Variants in PLA2G4E observed in about 807,000 individuals in gnomAD.
The protein encoded by PLA2G4E is cytosolic phospholipase A2 epsilon.
In PLA2G4E, 84 loss-of-function variants were observed where a neutral mutation model predicts 109.1. That is an observed-to-expected ratio of 0.77 (90% CI 0.65 to 0.92). The LOEUF is 0.92. PLA2G4E is among the 40% of genes least tolerant of loss of function. The pLI is 0.00. For synonymous variants in PLA2G4E, 469 were observed against 436.1 expected (o/e 1.08, Z -0.94); for missense variants, 1,057 against 1,076.6 (o/e 0.98, Z 0.25).
At chr15:42,031,786 C>T (rs1889118768) in intron 1 of PLA2G4E, among the ~76,000 whole-genome samples, 1 of 152,160 alleles carries the variant, frequency 6.6e-6, no homozygotes, top group Non-Finnish European at 1.5e-5. Flanking sequence ...CAAGTTCAGC[C>T]CTGCAGTAAT....
intron 1 of PLA2G4E, among the ~76,000 whole-genome samples, chr15:42,031,415 G>C (rs1273947799): frequency 1.3e-5 from 2 of 152,170 alleles, no homozygotes; most frequent in African/African-American, 2.4e-5. Context: ...TGTTTTTACA[G>C]AGTGATGGCA....
At chr15:42,020,332 G>A (rs1022141401) in intron 1 of PLA2G4E, among the ~76,000 whole-genome samples, 3 of 152,204 alleles carry the variant, frequency 2.0e-5, no homozygotes, top group African/African-American at 7.2e-5. Context: ...AAGCATTGAG[G>A]TCATCTCCCT....
intron 1 of PLA2G4E, 50 bp from the exon 2 acceptor site, chr15:42,013,807 C>T (rs1428177387): frequency 2.7e-6 from 4 of 1,477,300 alleles, no homozygotes; most frequent in Non-Finnish European, 3.7e-6. Context: ...TACTCCAAGG[C>T]CATTGCCCCG....
At chr15:42,023,490 A>C (rs2068666690) in intron 1 of PLA2G4E, among the ~76,000 whole-genome samples, 1 of 152,082 alleles carries the variant, frequency 6.6e-6, no homozygotes, top group South Asian at 2.1e-4. Context: ...GAAACAAGGG[A>C]TCAATTAGGA....
At chr15:42,005,489 C>T (rs995763857) in intron 4 of PLA2G4E, among the ~76,000 whole-genome samples, 4 of 151,820 alleles carry the variant, frequency 2.6e-5, no homozygotes, top group East Asian at 2.0e-4. Flanking sequence ...GTGCCTAGAA[C>T]GGTGCCGGCC....
chr15:41,990,441 C>A (rs1211964434), intron 13 of PLA2G4E, among the ~76,000 whole-genome samples: 1 of 152,174 alleles, frequency 6.6e-6, no homozygotes, highest in East Asian at 1.9e-4. Flanking sequence ...CTGCCCACCA[C>A]CAGACAGGGG....
At chr15:42,018,876 C>T (rs548323357) in intron 1 of PLA2G4E, among the ~76,000 whole-genome samples, 2 of 152,158 alleles carry the variant, frequency 1.3e-5, no homozygotes, top group Non-Finnish European at 2.9e-5. Context: ...GCTGCCCCTT[C>T]CCACTCCTAC....
chr15:42,048,547 CA>C (rs1889454511), intron 1 of PLA2G4E, among the ~76,000 whole-genome samples: 1 of 152,290 alleles, frequency 6.6e-6, no homozygotes, highest in East Asian at 1.9e-4. Context: ...GGAGAAAGAC[CA>C]GGGGGCCATG....
intron 18 of PLA2G4E, among the ~76,000 whole-genome samples, chr15:41,985,092 C>T (rs1003246757): frequency 1.3e-5 from 2 of 152,310 alleles, no homozygotes; most frequent in South Asian, 2.1e-4. Context: ...TTCTGCCCCT[C>T]GTTCCTCTGC....
rs1023215161 is a variant in PLA2G4E, at chr15:41,997,059, G to A, written c.1110+65C>T. The A allele has an allele frequency of 1.5e-4, 217 of 1,462,736 alleles. 2 individuals are homozygous for A. Among genetic ancestry groups the A allele is most frequent in the Non-Finnish European group, 2.5e-5 (27 of 1,098,480 alleles). 90.6% of individuals were successfully genotyped at this position (1,462,736 alleles called of 1,614,324 possible). On this transcript the variant is annotated intron_variant, in intron 11 of 19. Coordinates refer to ENST00000399518, the Ensembl canonical transcript of PLA2G4E. ...CTGGGGTAGGGCAGGGCCTGGGTTG[G>A]CTGGGAGGGCATGGTGCTGGAAGGA...
chr15:42,013,889 T>C, intron 1 of PLA2G4E, 132 bp from the exon 2 acceptor site: 1 of 554,486 alleles, frequency 1.8e-6, no homozygotes, highest in Non-Finnish European at 3.0e-6. Flanking sequence ...CTGGTTTTTT[T>C]TTTTTTTTTT....
chr15:42,045,241 AAAG>A (rs1180398250), intron 1 of PLA2G4E, among the ~76,000 whole-genome samples: 1 of 152,094 alleles, frequency 6.6e-6, no homozygotes, highest in Non-Finnish European at 1.5e-5. Flanking sequence ...AGAACTGGGG[AAAG>A]AAGTAGGAAT....
chr15:42,004,038 C>A (rs1456581308), intron 5 of PLA2G4E, among the ~76,000 whole-genome samples: 1 of 152,094 alleles, frequency 6.6e-6, no homozygotes, highest in Non-Finnish European at 1.5e-5. Context: ...GGGCTGGGCG[C>A]GGTGGCTCAT....
chr15:42,025,618 A>G (rs1219560905), intron 1 of PLA2G4E, among the ~76,000 whole-genome samples: 1 of 152,196 alleles, frequency 6.6e-6, no homozygotes, highest in Non-Finnish European at 1.5e-5. Context: ...GGCAGTTCCA[A>G]GAGACGTTCC....
intron 1 of PLA2G4E, among the ~76,000 whole-genome samples, chr15:42,043,513 GAC>G (rs1233732203): frequency 7.4e-6 from 1 of 134,904 alleles, no homozygotes; most frequent in East Asian, 2.3e-4. Flanking sequence ...CCTGCTAATA[GAC>G]ACATCCTCAC....
chr15:42,019,418 A>G (rs2068626997), intron 1 of PLA2G4E, among the ~76,000 whole-genome samples: 1 of 152,206 alleles, frequency 6.6e-6, no homozygotes, highest in African/African-American at 2.4e-5. Flanking sequence ...TCCGATGCCC[A>G]TCGCTGGGCC....
rs1221859100 is a variant in PLA2G4E, at chr15:42,025,053, G to A, written c.184-11296C>T. Reference sequence around the variant, plus strand: ...ATCTCCACTACACAAAAAATTAGCCGGGCATGGTCGCGGGCACCTGTAGTC... The same window carrying A: ...ATCTCCACTACACAAAAAATTAGCCAGGCATGGTCGCGGGCACCTGTAGTC... On this transcript the variant is annotated intron_variant, in intron 1 of 19. Coordinates refer to ENST00000399518, the Ensembl canonical transcript of PLA2G4E. Among the ~76,000 whole-genome samples, 8 of 152,020 alleles carry A rather than the reference G, an allele frequency of 5.3e-5. No individual in the cohort carries two copies. The South Asian group carries it at 6.3e-4, about 12-fold the overall frequency.
At chr15:42,015,869 G>C (rs1704372) in intron 1 of PLA2G4E, among the ~76,000 whole-genome samples, 132,299 of 152,084 alleles carry the variant, frequency 0.87, 57,989 homozygotes, top group African/African-American at 0.96. Flanking sequence ...AGCCTCGCAC[G>C]GGTTCTCTTC....
intron 9 of PLA2G4E, 144 bp downstream of exon 9, chr15:41,999,773 C>T (rs962843971): frequency 9.2e-7 from 1 of 1,083,388 alleles, no homozygotes; most frequent in Non-Finnish European, 1.4e-6. Context: ...CAGTCTCCTG[C>T]CCCACAAGAC....
Sources: allele counts gnomAD v4.1 joint callset (sites outside exome capture counted in the v4.1 genomes callset), GRCh38; gene constraint gnomAD v4.1.1; transcripts MANE v1.5; gene names NCBI Gene and HGNC (gene_info 2026-07-23, HGNC 2026-07-21).